NTM: variants seen among roughly 807,000 people sequenced by gnomAD.
The protein encoded by NTM is neurotrimin.
In NTM, 13 loss-of-function variants were observed where a neutral mutation model predicts 42.1. The observed-to-expected ratio is 0.31, with a 90% CI of 0.20 to 0.49. NTM has a LOEUF of 0.49. Ranked by LOEUF, NTM falls within the 20% of genes least tolerant of loss-of-function variation. The pLI is 0.99. For synonymous variants in NTM, 187 were observed against 179.2 expected (o/e 1.04, Z -0.35); for missense variants, 373 against 452.8 (o/e 0.82, Z 1.60).
At chr11:131,801,845 A>AG (rs2092142148) in intron 1 of NTM, among the ~76,000 whole-genome samples, 1 of 151,938 alleles carries the variant, frequency 6.6e-6, no homozygotes, top group Non-Finnish European at 1.5e-5. Flanking sequence ...CCTTGATCAG[A>AG]ATGTGAGCTG....
At chr11:131,584,991 A>T (rs2058727854) in intron 1 of NTM, among the ~76,000 whole-genome samples, 1 of 146,290 alleles carries the variant, frequency 6.8e-6, no homozygotes, top group African/African-American at 2.5e-5. Flanking sequence ...TGAGAGGCCA[A>T]GGGGGGTGCA....
At chr11:132,328,485 T>TTG (rs1555102515) in intron 7 of NTM, among the ~76,000 whole-genome samples, 5 of 152,008 alleles carry the variant, frequency 3.3e-5, no homozygotes, top group African/African-American at 1.2e-4. Context: ...GAGGTTTTTT[T>TTG]GGGGGGGTCT....
rs533387101 is a variant in NTM at position 132,314,828 on chromosome 11, G to GA, written c.934+133dup. On this transcript the variant is annotated intron_variant, in intron 7 of 8. Transcript: ENST00000683400. ...GGTATCAGTGGACATGGAGAGGGAG[G>GA]AAAAAAAAGAGAGAGACACAGAAAG... 71 of 1,376,326 alleles carry GA rather than the reference G, an allele frequency of 5.2e-5. No individual in the cohort carries two copies. The Middle Eastern group carries it at 9.6e-4, about 19-fold the overall frequency. The allele number at this position is 1,376,326 out of a possible 1,614,324, so 85.3% of individuals were successfully genotyped here. A position where few individuals can be genotyped will look rare whatever the true frequency, so the allele number is the denominator to read the frequency against.
chr11:132,315,150 A>AACTC (rs1306881774), intron 7 of NTM: 5 of 861,852 alleles, frequency 5.8e-6, no homozygotes, highest in Admixed American at 1.2e-4. Context: ...AATAGTCAAG[A>AACTC]ACTCAGAGGG....
intron 1 of NTM, among the ~76,000 whole-genome samples, chr11:131,499,062 C>T (rs372575): frequency 0.31 from 47,316 of 151,832 alleles, 7,555 homozygotes; most frequent in African/African-American, 0.36. Flanking sequence ...AGTCCAGTCG[C>T]GTTAAACAAT....
At chr11:131,848,786 A>G (rs1451201670) in intron 1 of NTM, among the ~76,000 whole-genome samples, 1 of 152,168 alleles carries the variant, frequency 6.6e-6, no homozygotes, top group Non-Finnish European at 1.5e-5. Context: ...GCCAGAACTA[A>G]AACCCAAACC....
intron 1 of NTM, among the ~76,000 whole-genome samples, chr11:131,594,436 C>T (rs2059641668): frequency 6.6e-6 from 1 of 151,992 alleles, no homozygotes; most frequent in Admixed American, 6.6e-5. Flanking sequence ...TGCTCTGTCA[C>T]CCAGGCTGGA....
At chr11:131,411,555 G>T (rs1295654038) in intron 1 of NTM, among the ~76,000 whole-genome samples, 1 of 147,652 alleles carries the variant, frequency 6.8e-6, no homozygotes, top group East Asian at 2.0e-4. Flanking sequence ...GTGTGTGTGT[G>T]TGTGTGTGTG....
chr11:132,078,614 A>G (rs2058657418), intron 2 of NTM, among the ~76,000 whole-genome samples: 1 of 152,226 alleles, frequency 6.6e-6, no homozygotes, highest in South Asian at 2.1e-4. Context: ...AGAAACTGGG[A>G]GCTGCTTCAT....
At chr11:131,907,036 C>T (rs538079205) in intron 1 of NTM, among the ~76,000 whole-genome samples, 29 of 152,328 alleles carry the variant, frequency 1.9e-4, no homozygotes, top group African/African-American at 6.3e-4. Context: ...ATTAAATCTT[C>T]CAATATCTAT....
chr11:131,961,240 A>C (rs2062133866), intron 2 of NTM, among the ~76,000 whole-genome samples: 1 of 152,176 alleles, frequency 6.6e-6, no homozygotes, highest in South Asian at 2.1e-4. Context: ...TGTCCTGTTG[A>C]TTATGCAGGA....
chr11:131,465,869 T>C (rs1297027796), intron 1 of NTM, among the ~76,000 whole-genome samples: 1 of 152,220 alleles, frequency 6.6e-6, no homozygotes, highest in East Asian at 1.9e-4. Flanking sequence ...CCTGGAGCCG[T>C]GAGACCCCTC....
intron 7 of NTM, among the ~76,000 whole-genome samples, chr11:132,321,584 A>G (rs891256831): frequency 6.6e-6 from 1 of 152,240 alleles, no homozygotes; most frequent in African/African-American, 2.4e-5. Flanking sequence ...GAAGAATGGA[A>G]CCAAGTTGGA....
At chr11:131,516,241 T>C (rs1421269487) in intron 1 of NTM, among the ~76,000 whole-genome samples, 1 of 152,262 alleles carries the variant, frequency 6.6e-6, no homozygotes, top group Non-Finnish European at 1.5e-5. Context: ...GCAGGTATTA[T>C]GTAATTCCTA....
intron 2 of NTM, among the ~76,000 whole-genome samples, chr11:132,126,161 C>T (rs1249098484): frequency 6.6e-6 from 1 of 152,086 alleles, no homozygotes; most frequent in African/African-American, 2.4e-5. Context: ...CCAGAGGATC[C>T]TTAGTCCATC....
chr11:132,260,032 G>A (rs751530509), intron 4 of NTM, among the ~76,000 whole-genome samples: 1 of 152,114 alleles, frequency 6.6e-6, no homozygotes, highest in African/African-American at 2.4e-5. Flanking sequence ...CCTGGGTGGC[G>A]GGAGCAGGAG....
At chr11:131,748,513 T>C (rs2082096204) in intron 1 of NTM, among the ~76,000 whole-genome samples, 1 of 152,240 alleles carries the variant, frequency 6.6e-6, no homozygotes, top group Non-Finnish European at 1.5e-5. Flanking sequence ...CTATTCATTC[T>C]CCTTTAATGG....
chr11:131,383,942 G>A (rs2135540242), intron 1 of NTM, among the ~76,000 whole-genome samples: 1 of 152,282 alleles, frequency 6.6e-6, no homozygotes, highest in East Asian at 1.9e-4. Context: ...GGAGAGACAT[G>A]GGGGTATTCA....
intron 1 of NTM, among the ~76,000 whole-genome samples, chr11:131,825,387 G>A (rs1009823825): frequency 2.0e-5 from 3 of 151,788 alleles, no homozygotes; most frequent in Non-Finnish European, 4.4e-5. Context: ...TTTTTGTATG[G>A]TGGTGGGGGG....
Sources: allele counts gnomAD v4.1 joint callset (sites outside exome capture counted in the v4.1 genomes callset), GRCh38; gene constraint gnomAD v4.1.1; transcripts MANE v1.5; gene names NCBI Gene and HGNC (gene_info 2026-07-23, HGNC 2026-07-21).